OSBPL10: variants seen among roughly 807,000 people sequenced by gnomAD.
OSBPL10 encodes oxysterol-binding protein-related protein 10.
Under a neutral mutation model 81.7 loss-of-function variants are expected in OSBPL10, and 49 were observed. That is an observed-to-expected ratio of 0.60 (90% CI 0.48 to 0.76). OSBPL10 has a LOEUF of 0.76. Ranked by LOEUF, OSBPL10 falls within the 30% of genes least tolerant of loss-of-function variation. The pLI is 0.00. For synonymous variants in OSBPL10, 419 were observed against 383.6 expected (o/e 1.09, Z -1.08); for missense variants, 923 against 987.8 (o/e 0.93, Z 0.88).
At chr3:31,966,004 A>ATG (rs1330281475) in intron 1 of OSBPL10, among the ~76,000 whole-genome samples, 1 of 135,908 alleles carries the variant, frequency 7.4e-6, no homozygotes, top group East Asian at 2.0e-4. Flanking sequence ...TATAATATAT[A>ATG]TATATATAGG....
chr3:31,873,855 T>A (rs987451126), intron 3 of OSBPL10, among the ~76,000 whole-genome samples: 1 of 152,204 alleles, frequency 6.6e-6, no homozygotes, highest in Admixed American at 6.5e-5. Context: ...AGCCTTGAAT[T>A]TGGTAATGCT....
intron 2 of OSBPL10, among the ~76,000 whole-genome samples, chr3:32,041,483 G>A (rs1699574613): frequency 6.6e-6 from 1 of 152,030 alleles, no homozygotes; most frequent in Admixed American, 6.5e-5. Flanking sequence ...CTTTCCTTCT[G>A]CTGCAGCACA....
Position 32,001,882 on chromosome 3 carries a change from G to A in OSBPL10, n.298+44609C>T, listed in dbSNP as rs374170557. ...TCTCTATTATCCAATCCCAACTCTT[G>A]GACAATTTTTTTCTGACAATTACAG... On this transcript the variant is annotated intron_variant and non_coding_transcript_variant, in intron 2 of 3. Transcript: ENST00000479173. Among the ~76,000 whole-genome samples the A allele has an allele frequency of 9.2e-5, 14 of 152,008 alleles. No homozygotes were observed. In the East Asian group the frequency reaches 9.6e-4, roughly 10 times the overall value.
chr3:31,683,538 A>G, intron 8 of OSBPL10, 96 bp downstream of exon 8: 1 of 1,492,402 alleles, frequency 6.7e-7, no homozygotes, highest in South Asian at 1.3e-5. Context: ...AAAAACAACA[A>G]CAACAAAAAA....
At chr3:31,920,843 C>A (rs1447325324) in intron 1 of OSBPL10, among the ~76,000 whole-genome samples, 1 of 152,136 alleles carries the variant, frequency 6.6e-6, no homozygotes, top group African/African-American at 2.4e-5. Context: ...TTCCCTCTCT[C>A]ACCATGTGAT....
At chr3:31,963,230 C>T (rs1698218741) in intron 1 of OSBPL10, among the ~76,000 whole-genome samples, 1 of 151,972 alleles carries the variant, frequency 6.6e-6, no homozygotes, top group African/African-American at 2.4e-5. Flanking sequence ...CTTTCCTCCC[C>T]TCCACCCACA....
chr3:31,786,211 C>T (rs950846653), intron 4 of OSBPL10, among the ~76,000 whole-genome samples: 10 of 152,182 alleles, frequency 6.6e-5, no homozygotes, highest in Non-Finnish European at 1.0e-4. Context: ...GGTCTCTCAT[C>T]TATGTGATGA....
intron 2 of OSBPL10, among the ~76,000 whole-genome samples, chr3:32,031,829 G>A (rs1176113790): frequency 1.3e-5 from 2 of 152,040 alleles, no homozygotes; most frequent in Admixed American, 6.6e-5. Flanking sequence ...TTCAGAAATA[G>A]ACTCAAGGAT....
At chr3:31,711,048 T>G (rs1393595624) in intron 6 of OSBPL10, 1 of 152,220 alleles carries the variant, frequency 6.6e-6, no homozygotes, top group African/African-American at 2.4e-5. Context: ...TCTTTCTTTC[T>G]CCTACCCCTG....
At chr3:32,062,636 G>T (rs1404177391) in intron 1 of OSBPL10, among the ~76,000 whole-genome samples, 1 of 94,606 alleles carries the variant, frequency 1.1e-5, no homozygotes, top group Non-Finnish European at 2.8e-5. Flanking sequence ...AAAGGGGACA[G>T]CAAGGGCTGG....
At position 31,937,809 on chromosome 3, in the gene OSBPL10, C is replaced by T. The variant is rs76138866; in HGVS notation, c.281+43090G>A. On this transcript the variant is annotated intron_variant, in intron 1 of 11. Coordinates refer to ENST00000396556, the MANE Select transcript of OSBPL10 (RefSeq NM_017784.5). The stretch of plus-strand genomic sequence containing the variant: ...CTGTTTCCAATATAAGACTCCTCCA[C>T]TCTTGGGTAAAATTTACCTCCATGT... 2.6e-3 allele frequency among the ~76,000 whole-genome samples: 391 copies of T among 152,328 alleles called. 4 individuals carry two copies. The highest frequency in any genetic ancestry group is 8.9e-3 in the African/African-American group (371 of 41,574).
intron 3 of OSBPL10, among the ~76,000 whole-genome samples, chr3:31,865,512 T>C (rs963616825): frequency 3.3e-5 from 5 of 152,164 alleles, no homozygotes; most frequent in African/African-American, 1.2e-4. Flanking sequence ...TCTGAAGGCT[T>C]GTGTCTTCCC....
At chr3:31,836,902 A>G (rs923584302) in intron 3 of OSBPL10, among the ~76,000 whole-genome samples, 6 of 152,172 alleles carry the variant, frequency 3.9e-5, no homozygotes, top group African/African-American at 1.4e-4. Context: ...TGCATTTCTC[A>G]TGCTTTGGAA....
intron 2 of OSBPL10, among the ~76,000 whole-genome samples, chr3:32,014,162 A>G (rs1415569756): frequency 6.6e-6 from 1 of 152,210 alleles, no homozygotes; most frequent in Non-Finnish European, 1.5e-5. Flanking sequence ...TTTTAGACCA[A>G]TATCCCTGAT....
chr3:31,972,731 G>T (rs1051961043), intron 1 of OSBPL10, among the ~76,000 whole-genome samples: 1 of 152,092 alleles, frequency 6.6e-6, no homozygotes, highest in Non-Finnish European at 1.5e-5. Flanking sequence ...AAAACATCCT[G>T]GAAAAGAGTG....
chr3:31,831,135 G>A (rs183503273), intron 3 of OSBPL10, among the ~76,000 whole-genome samples: 251 of 152,242 alleles, frequency 1.6e-3, no homozygotes, highest in African/African-American at 5.0e-3. Flanking sequence ...AGCCGGGTGC[G>A]GTGGCTCACA....
intron 8 of OSBPL10, among the ~76,000 whole-genome samples, chr3:31,674,914 G>T (rs1184570373): frequency 6.6e-6 from 1 of 152,218 alleles, no homozygotes; most frequent in African/African-American, 2.4e-5. Flanking sequence ...CTCATGTAAG[G>T]GTTCTGAGCA....
chr3:31,811,796 C>G (rs1699688063), intron 4 of OSBPL10, among the ~76,000 whole-genome samples: 1 of 152,070 alleles, frequency 6.6e-6, no homozygotes, highest in Non-Finnish European at 1.5e-5. Flanking sequence ...AGTAGTTGCC[C>G]ATCAGAGTAG....
chr3:31,837,350 TATATATATATATATATATATATATAGTA>T lies in OSBPL10; in HGVS notation c.538-7147_538-7120del, dbSNP rs1285071666. On this transcript the variant is annotated intron_variant, in intron 3 of 11. Coordinates refer to ENST00000396556, the MANE Select transcript of OSBPL10 (RefSeq NM_017784.5). ...ATATATATATATATATATATATATA[TATATATATATATATATATATATATAGTA>T]AGTAACATAACACAGAGACCTTTAA... Among the ~76,000 whole-genome samples, 55 of 29,330 alleles carry T rather than the reference TATATATATATATATATATATATATAGTA, an allele frequency of 1.9e-3. No individual in the cohort carries two copies. The East Asian group carries it at 0.028, about 15-fold the overall frequency. The allele number at this position is 29,330 out of a possible 152,430, so 19.2% of individuals were successfully genotyped here.
Sources: gnomAD v4.1 joint callset for allele counts (sites outside exome capture counted in the v4.1 genomes callset) on GRCh38, gnomAD v4.1.1 for gene constraint, MANE v1.5 for transcripts, NCBI Gene and HGNC (gene_info 2026-07-23, HGNC 2026-07-21) for gene names.